The following USP34 variants were observed in gnomAD, a reference collection of about 807,000 sequenced individuals.
USP34 encodes ubiquitin carboxyl-terminal hydrolase 34.
In USP34, 70 loss-of-function variants were observed where a neutral mutation model predicts 460.3. That is an observed-to-expected ratio of 0.15 (90% confidence interval 0.13 to 0.19). The LOEUF (loss-of-function observed/expected upper bound fraction) is 0.19. Among genes scored for constraint, USP34 ranks in the 10% least tolerant of loss-of-function variants. The probability of loss-of-function intolerance (pLI) is 1.00; values close to 1 mark genes in which losing one functional copy is unlikely to be tolerated. For missense variants in USP34, 3,985 were observed against 4,236.2 expected, an observed-to-expected ratio of 0.94 and a Z score of 1.65; for synonymous variants, 1,647 against 1,405.3, an observed-to-expected ratio of 1.17 and a Z score of -3.85.
At chr2:61,235,265 C>G (rs7591772) in intron 57 of USP34, among the ~76,000 whole-genome samples, 79,345 of 151,200 alleles carry the variant, frequency 0.52, 21,149 homozygotes, top group South Asian at 0.73. Context: ...ATTTGGAAGA[C>G]TCTTGAATTT....
chr2:61,214,564 C>A lies in USP34; in HGVS notation c.8178G>T (p.Gln2726His). Residue 2726 changes from glutamine to histidine, a missense_variant, in exon 68 of 80, where the codon CAG (glutamine) becomes CAT (histidine). Transcript: ENST00000398571. ...GCAAACCAAGGAGCACGTTGTAGAC[C>A]TGATGTAGGACTACTGTTGTGTCTG... ...LSPDTTVVLH[Q>H]VYNVLLGLLS... The A allele has an allele frequency of 6.2e-7, 1 of 1,613,580 alleles. No homozygotes were observed. Among genetic ancestry groups the A allele is most frequent in the Non-Finnish European group, 8.5e-7 (1 of 1,179,820 alleles).
At chr2:61,210,095 A>T (rs769849091) in intron 69 of USP34, among the ~76,000 whole-genome samples, 1 of 152,242 alleles carries the variant, frequency 6.6e-6, no homozygotes, top group Admixed American at 6.5e-5. Flanking sequence ...AAAAAAGTTC[A>T]GTACATTAAT....
At chr2:61,450,060 T>C (rs1311229261) in intron 1 of USP34, among the ~76,000 whole-genome samples, 1 of 150,150 alleles carries the variant, frequency 6.7e-6, no homozygotes, top group African/African-American at 2.5e-5. Flanking sequence ...ACCAAGACTC[T>C]GTCTCAAAAA....
intron 7 of USP34, among the ~76,000 whole-genome samples, chr2:61,378,926 A>AAAC (rs1692883489): frequency 2.0e-5 from 3 of 148,962 alleles, no homozygotes; most frequent in Non-Finnish European, 4.5e-5. Context: ...AAAAAAAAAA[A>AAAC]AAAAAAAAAA....
At chr2:61,378,913 G>GAAAAAAAAAAAAAAC (rs1692880319) in intron 7 of USP34, among the ~76,000 whole-genome samples, 1 of 57,872 alleles carries the variant, frequency 1.7e-5, no homozygotes, top group Non-Finnish European at 2.8e-5. Flanking sequence ...TCAAAAAAAC[G>GAAAAAAAAAAAAAAC]AAAAAAAAAA....
chr2:61,302,626 G>T (rs1300109206), intron 27 of USP34, among the ~76,000 whole-genome samples: 1 of 152,110 alleles, frequency 6.6e-6, no homozygotes, highest in African/African-American at 2.4e-5. Flanking sequence ...ATTAGAAAAA[G>T]GGGTTTTTCT....
rs937281467 is a variant in USP34, at chr2:61,452,031, G to A, written c.43+18619C>T. ...CTACTAAAAATACAAAAAATTAGCCGGGCGTGGTGGCGGGCGCCTGTAGTC... is the reference window on the plus strand; with the variant it reads ...CTACTAAAAATACAAAAAATTAGCCAGGCGTGGTGGCGGGCGCCTGTAGTC... On this transcript the variant is annotated intron_variant, in intron 1 of 79. Coordinates refer to ENST00000398571, the MANE Select transcript of USP34 (RefSeq NM_014709.4). 7.6e-4 allele frequency among the ~76,000 whole-genome samples: 115 copies of A among 151,818 alleles called. 2 individuals carry two copies. Among genetic ancestry groups the A allele is most frequent in the Admixed American group, 7.9e-4 (12 of 15,226 alleles).
chr2:61,419,118 T>C (rs1258912031), intron 2 of USP34, among the ~76,000 whole-genome samples: 2 of 152,188 alleles, frequency 1.3e-5, no homozygotes, highest in Non-Finnish European at 2.9e-5. Flanking sequence ...ACTTAACTCA[T>C]TTGTCATCAT....
intron 8 of USP34, among the ~76,000 whole-genome samples, chr2:61,376,913 G>C (rs1692815638): frequency 6.6e-6 from 1 of 152,298 alleles, no homozygotes; most frequent in South Asian, 2.1e-4. Context: ...CAAAGTGCTG[G>C]GATACAGGCG....
intron 10 of USP34, among the ~76,000 whole-genome samples, chr2:61,360,437 G>A (rs557832069): frequency 2.6e-5 from 4 of 152,092 alleles, no homozygotes; most frequent in Admixed American, 2.0e-4. Flanking sequence ...AAACAGTCCC[G>A]TTTACCACAG....
chr2:61,371,043 A>C (rs1021104717), intron 8 of USP34, among the ~76,000 whole-genome samples: 1 of 152,222 alleles, frequency 6.6e-6, no homozygotes, highest in African/African-American at 2.4e-5. Context: ...ATACTATTGA[A>C]GATTCAATAG....
At chr2:61,235,131 A>T (rs1688028493) in intron 57 of USP34, among the ~76,000 whole-genome samples, 1 of 152,166 alleles carries the variant, frequency 6.6e-6, no homozygotes, top group Non-Finnish European at 1.5e-5. Context: ...ATGGTGATAG[A>T]TGTGTTAATT....
At chr2:61,419,002 T>C (rs1294954631) in intron 2 of USP34, among the ~76,000 whole-genome samples, 1 of 152,248 alleles carries the variant, frequency 6.6e-6, no homozygotes, top group Non-Finnish European at 1.5e-5. Flanking sequence ...TTAAGTCCTT[T>C]TAGCAAATAC....
chr2:61,220,894 A>G (rs1371769016), intron 66 of USP34, among the ~76,000 whole-genome samples: 1 of 152,192 alleles, frequency 6.6e-6, no homozygotes, highest in Non-Finnish European at 1.5e-5. Context: ...CTAGGAATCT[A>G]GAGTGGGGGT....
chr2:61,203,294 C>T (rs1395419134), intron 74 of USP34, 31 bp from the exon 75 acceptor site: 5 of 1,470,656 alleles, frequency 3.4e-6, no homozygotes, highest in Non-Finnish European at 4.5e-6. Context: ...AATGGTTGCA[C>T]TTAAATTGTA....
At chr2:61,426,612 AC>A (rs1410171494) in intron 1 of USP34, among the ~76,000 whole-genome samples, 2 of 152,322 alleles carry the variant, frequency 1.3e-5, no homozygotes, top group East Asian at 3.9e-4. Context: ...ACACTTCTGG[AC>A]CCACCTGGGG....
Position 61,246,304 on chromosome 2 carries a change from T to G in USP34, c.6548+20A>C, listed in dbSNP as rs760349951. 39 of 1,501,742 alleles carry G rather than the reference T, an allele frequency of 2.6e-5. 1 individual carries two copies. The Middle Eastern group carries it at 2.4e-3, about 92-fold the overall frequency. 93.0% of individuals were successfully genotyped at this position (1,501,742 alleles called of 1,614,324 possible). A position where few individuals can be genotyped will look rare whatever the true frequency, so the allele number is the denominator to read the frequency against. ...ACTACCATAAATTGTTAAAGAAGTTTTGAAATATTTAAAACTCACCATTTA... is the reference window on the plus strand; with the variant it reads ...ACTACCATAAATTGTTAAAGAAGTTGTGAAATATTTAAAACTCACCATTTA... On this transcript the variant is annotated intron_variant, in intron 50 of 79. Transcript: ENST00000398571.
At chr2:61,193,608 G>A (rs1439168517) in intron 75 of USP34, among the ~76,000 whole-genome samples, 1 of 152,084 alleles carries the variant, frequency 6.6e-6, no homozygotes, top group Non-Finnish European at 1.5e-5. Context: ...TGTAAAATAT[G>A]TCACTAAGAT....
intron 2 of USP34, among the ~76,000 whole-genome samples, chr2:61,415,594 C>T (rs1573018685): frequency 6.6e-6 from 1 of 152,218 alleles, no homozygotes; most frequent in East Asian, 1.9e-4. Flanking sequence ...TTTCAGAATA[C>T]TGTATAGAGG....
Sources: gnomAD v4.1 joint callset for allele counts (sites outside exome capture counted in the v4.1 genomes callset) on GRCh38, gnomAD v4.1.1 for gene constraint, MANE v1.5 for transcripts, NCBI Gene and HGNC (gene_info 2026-07-23, HGNC 2026-07-21) for gene names.